Variants in IL19 observed in about 807,000 individuals in gnomAD.
The protein encoded by IL19 is interleukin 19, also known as interleukin-19.
IL19 carries 15 observed loss-of-function variants against 19.5 expected under a neutral mutation model. That is an observed-to-expected ratio of 0.77 (90% CI 0.52 to 1.19). IL19 has a LOEUF of 1.19. IL19 is among the 50% of genes most tolerant of loss of function. IL19 has a pLI of 0.00. For missense variants in IL19, 199 were observed against 213.1 expected, an observed-to-expected ratio of 0.93 and a Z score of 0.41; for synonymous variants, 78 against 78.3, an observed-to-expected ratio of 1.00 and a Z score of 0.02.
intron 2 of IL19, among the ~76,000 whole-genome samples, chr1:206,800,509 G>T (rs1675655157): frequency 6.6e-6 from 1 of 152,200 alleles, no homozygotes; most frequent in South Asian, 2.1e-4. Context: ...GTGTGGTCAA[G>T]GGAGGTTTTG....
chr1:206,806,306 A>G (rs932921407), intron 2 of IL19, among the ~76,000 whole-genome samples: 2 of 149,168 alleles, frequency 1.3e-5, no homozygotes, highest in Non-Finnish European at 3.0e-5. Context: ...TTCAGAAGAA[A>G]GGGGGATGAA....
intron 1 of IL19, among the ~76,000 whole-genome samples, chr1:206,781,876 T>TTAGAAAGTAAAACTGATAA (rs2102448603): frequency 1.5e-5 from 2 of 137,846 alleles, no homozygotes; most frequent in Non-Finnish European, 3.1e-5. Context: ...TAGTTATATA[T>TTAGAAAGTAAAACTGATAA]ACATATATAT....
At chr1:206,783,812 C>A (rs1042906997) in intron 1 of IL19, among the ~76,000 whole-genome samples, 3 of 152,190 alleles carry the variant, frequency 2.0e-5, no homozygotes, top group African/African-American at 4.8e-5. Context: ...TGACCTTGGG[C>A]AAGTTTCTGA....
At chr1:206,794,142 C>T (rs1034841341) in intron 1 of IL19, among the ~76,000 whole-genome samples, 4 of 152,144 alleles carry the variant, frequency 2.6e-5, no homozygotes, top group Admixed American at 1.3e-4. Flanking sequence ...CAAGTTATTC[C>T]CCAGTTTGGT....
chr1:206,777,880 C>A (rs1366472972), intron 1 of IL19, among the ~76,000 whole-genome samples: 2 of 152,256 alleles, frequency 1.3e-5, no homozygotes, highest in Non-Finnish European at 2.9e-5. Flanking sequence ...GCTTCCTCAG[C>A]TCCTAGGACA....
chr1:206,776,576 A>G (rs1225912724), intron 1 of IL19, among the ~76,000 whole-genome samples: 1 of 152,024 alleles, frequency 6.6e-6, no homozygotes, highest in Non-Finnish European at 1.5e-5. Context: ...TCCTGTTGAG[A>G]GCGGGGACTG....
At chr1:206,837,702 A>AAACAG (rs1370609852) in intron 4 of IL19, among the ~76,000 whole-genome samples, 1 of 152,118 alleles carries the variant, frequency 6.6e-6, no homozygotes, top group Non-Finnish European at 1.5e-5. Context: ...AAACAAAACA[A>AAACAG]TTATCAGGGC....
At chr1:206,785,347 C>T (rs1675244321) in intron 1 of IL19, among the ~76,000 whole-genome samples, 1 of 152,196 alleles carries the variant, frequency 6.6e-6, no homozygotes, top group Admixed American at 6.5e-5. Context: ...ATTGGCACTT[C>T]CTTAACCGTG....
At chr1:206,807,843 A>G (rs1471179633) in intron 2 of IL19, among the ~76,000 whole-genome samples, 2 of 152,246 alleles carry the variant, frequency 1.3e-5, no homozygotes, top group African/African-American at 2.4e-5. Flanking sequence ...GAAATGGTGT[A>G]ACTATATATA....
At chr1:206,840,091 T>C (rs780334544) in intron 5 of IL19, 89 bp downstream of exon 5, 6 of 1,428,766 alleles carry the variant, frequency 4.2e-6, no homozygotes, top group East Asian at 2.3e-5. Context: ...CCTCCTGATA[T>C]GGTGCTTGGA....
intron 2 of IL19, among the ~76,000 whole-genome samples, chr1:206,801,208 C>T (rs1466717993): frequency 6.6e-6 from 1 of 151,610 alleles, no homozygotes; most frequent in Non-Finnish European, 1.5e-5. Flanking sequence ...CCTCCAGACC[C>T]CTGTGTCCTT....
chr1:206,773,727 G>A (rs139002227), intron 1 of IL19, among the ~76,000 whole-genome samples: 84 of 152,078 alleles, frequency 5.5e-4, no homozygotes, highest in African/African-American at 8.9e-4. Flanking sequence ...CAGATATCTG[G>A]AAAGTCTCTG....
intron 2 of IL19, among the ~76,000 whole-genome samples, chr1:206,817,409 G>A (rs1277388592): frequency 6.6e-6 from 1 of 152,160 alleles, no homozygotes; most frequent in Admixed American, 6.5e-5. Flanking sequence ...GCAATATAAA[G>A]CTTTTCTTTT....
rs181188184 is a variant in IL19 at position 206,797,436 on chromosome 1, C to T, written c.-148-1425C>T. Among the ~76,000 whole-genome samples the T allele has an allele frequency of 3.0e-4, 46 of 152,154 alleles. No individual in the cohort carries two copies. In the East Asian group the frequency reaches 7.5e-3, roughly 25 times the overall value. On this transcript the variant is annotated intron_variant, in intron 1 of 6. Coordinates refer to ENST00000659997, the MANE Select transcript of IL19 (RefSeq NM_153758.5). Reference sequence around the variant, plus strand: ...CACCCATTTACACATCCCCCACCTCCGAGAGTTCAGGTATTCTTGCAAATG... The same window carrying T: ...CACCCATTTACACATCCCCCACCTCTGAGAGTTCAGGTATTCTTGCAAATG...
At chr1:206,831,064 G>T (rs1676594089) in intron 2 of IL19, among the ~76,000 whole-genome samples, 1 of 152,148 alleles carries the variant, frequency 6.6e-6, no homozygotes, top group Non-Finnish European at 1.5e-5. Context: ...AAGGCAATAG[G>T]CATGGTACCC....
intron 1 of IL19, among the ~76,000 whole-genome samples, chr1:206,775,671 T>C (rs553484536): frequency 3.3e-5 from 5 of 152,320 alleles, no homozygotes; most frequent in African/African-American, 9.6e-5. Context: ...TTTCTCAAGT[T>C]TTTGAAGATA....
intron 1 of IL19, among the ~76,000 whole-genome samples, chr1:206,780,875 T>C (rs544165816): frequency 2.6e-5 from 4 of 152,186 alleles, no homozygotes; most frequent in Non-Finnish European, 4.4e-5. Flanking sequence ...TGGTAAGAAG[T>C]TGAAAGTCTG....
intron 2 of IL19, among the ~76,000 whole-genome samples, chr1:206,823,383 C>T (rs1172983253): frequency 6.6e-6 from 1 of 151,810 alleles, no homozygotes; most frequent in Non-Finnish European, 1.5e-5. Flanking sequence ...GAAACCCCTT[C>T]TCTACTAAAA....
At chr1:206,772,248 G>A (rs1232529080) in intron 1 of IL19, 1 of 1,608,250 alleles carries the variant, frequency 6.2e-7, no homozygotes. Flanking sequence ...AAGAGAGAAA[G>A]GACAGGAAGG....
Sources: allele counts gnomAD v4.1 joint callset (sites outside exome capture counted in the v4.1 genomes callset), GRCh38; gene constraint gnomAD v4.1.1; transcripts MANE v1.5; gene names NCBI Gene and HGNC (gene_info 2026-07-23, HGNC 2026-07-21).